Variants in CLHC1 observed in about 807,000 individuals in gnomAD.
CLHC1 encodes the protein clathrin heavy chain linker domain-containing protein 1.
In CLHC1, 72 loss-of-function variants were observed where a neutral mutation model predicts 69.5. The ratio of observed to expected loss-of-function variants is 1.04; its 90% CI spans 0.86 to 1.26. CLHC1 has a LOEUF of 1.26. Ranked by LOEUF, CLHC1 falls within the 50% of genes most tolerant of loss-of-function variation. CLHC1 has a pLI of 0.00. For synonymous variants in CLHC1, 223 were observed against 224.3 expected, an observed-to-expected ratio of 0.99 and a Z score of 0.05; for missense variants, 790 against 679.3, an observed-to-expected ratio of 1.16 and a Z score of -1.81.
intron 2 of CLHC1, 109 bp downstream of exon 2, chr2:55,227,923 T>G (rs1037117712): frequency 2.0e-5 from 3 of 152,132 alleles, no homozygotes; most frequent in Non-Finnish European, 2.9e-5. Context: ...ACCCATGAAC[T>G]TCCTCTCTTA....
At chr2:55,227,995 A>G (rs183761864) in intron 2 of CLHC1, 37 bp downstream of exon 2, 1 of 151,184 alleles carries the variant, frequency 6.6e-6, no homozygotes, top group East Asian at 1.9e-4. Context: ...ATTACCCCCA[A>G]CCCCCAAAAC....
At chr2:55,209,896 A>C in intron 5 of CLHC1, 65 bp from the exon 6 acceptor site, 4 of 984,908 alleles carry the variant, frequency 4.1e-6, no homozygotes, top group Non-Finnish European at 6.3e-6. Flanking sequence ...CTCAAAGAGC[A>C]AGTCTTAGAA....
intron 11 of CLHC1, among the ~76,000 whole-genome samples, chr2:55,178,840 T>C (rs1018242218): frequency 2.0e-5 from 3 of 151,998 alleles, no homozygotes; most frequent in African/African-American, 4.8e-5. Flanking sequence ...GGTCCCACTA[T>C]GTTGCTCCAG....
At chr2:55,200,900 G>T (rs1442788684) in intron 9 of CLHC1, among the ~76,000 whole-genome samples, 1 of 152,072 alleles carries the variant, frequency 6.6e-6, no homozygotes, top group Non-Finnish European at 1.5e-5. Flanking sequence ...TACAAATATG[G>T]AAACTAAACA....
chr2:55,196,972 T>C (rs1160899877), intron 9 of CLHC1, among the ~76,000 whole-genome samples: 2 of 152,268 alleles, frequency 1.3e-5, no homozygotes, highest in South Asian at 2.1e-4. Context: ...CCCACTGCCC[T>C]GAGGGGTGAG....
intron 9 of CLHC1, among the ~76,000 whole-genome samples, chr2:55,197,234 T>C (rs1394150620): frequency 6.6e-6 from 1 of 152,192 alleles, no homozygotes; most frequent in Non-Finnish European, 1.5e-5. Context: ...CCCTGGCTCC[T>C]GATGGTATCT....
intron 2 of CLHC1, chr2:55,224,747 C>A: frequency 6.1e-6 from 2 of 326,682 alleles, no homozygotes; most frequent in South Asian, 6.4e-5. Context: ...TCCCTTGTGT[C>A]CATGAGAACA....
At chr2:55,187,187 G>A (rs901868108) in intron 9 of CLHC1, among the ~76,000 whole-genome samples, 2 of 151,888 alleles carry the variant, frequency 1.3e-5, no homozygotes, top group South Asian at 4.1e-4. Context: ...CCTGAAGCAG[G>A]AGAATCGCTT....
intron 12 of CLHC1, among the ~76,000 whole-genome samples, chr2:55,176,927 C>G (rs1167299483): frequency 6.6e-6 from 1 of 152,208 alleles, no homozygotes; most frequent in Non-Finnish European, 1.5e-5. Flanking sequence ...GGCTGGAGTG[C>G]AGTGGCACAG....
rs552543831 is a variant in CLHC1, at chr2:55,196,597, G to A, written c.1006+9673C>T. ...TTTCTAGACACACACTTGTCAGAAG[G>A]GAAGCCACTGTCTTGAAAGGAAGGA... On this transcript the variant is annotated intron_variant, in intron 9 of 12. Coordinates refer to ENST00000401408, the MANE Select transcript of CLHC1 (RefSeq NM_152385.4). 2.9e-4 allele frequency among the ~76,000 whole-genome samples: 44 copies of A among 152,296 alleles called. 2 individuals carry two copies. In the East Asian group the frequency reaches 3.7e-3, roughly 13 times the overall value.
At chr2:55,182,048 A>G (rs1669989363) in intron 9 of CLHC1, among the ~76,000 whole-genome samples, 1 of 152,126 alleles carries the variant, frequency 6.6e-6, no homozygotes, top group Non-Finnish European at 1.5e-5. Flanking sequence ...TAGAGCCTCC[A>G]GAAGGAATGA....
chr2:55,204,796 C>T (rs369007163), intron 9 of CLHC1, among the ~76,000 whole-genome samples: 5 of 151,964 alleles, frequency 3.3e-5, no homozygotes, highest in South Asian at 2.1e-4. Flanking sequence ...TGGATGGAAC[C>T]GGAGGTCATT....
At position 55,209,465 on chromosome 2, in the gene CLHC1, A is replaced by C. The variant is rs757658513; in HGVS notation, c.753T>G (p.Ser251=). Residue 251 remains serine, a synonymous_variant, in exon 7 of 13, where the codon TCT becomes TCG. Transcript: ENST00000401408. ...AGTCTTGAAATGGGCTGCTCATATC[A>C]GATTTTACCCATGAACTAAGTGCCT... The part of the protein sequence containing the change: ...ISQALSSWVK[S]DMSSPFQDFV... The C allele has an allele frequency of 1.9e-6, 3 of 1,612,496 alleles. No homozygotes were observed. In the African/African-American group the frequency reaches 4.0e-5, roughly 22 times the overall value.
chr2:55,229,216 G>T (rs961811449), intron 1 of CLHC1, among the ~76,000 whole-genome samples: 1 of 151,110 alleles, frequency 6.6e-6, no homozygotes, highest in South Asian at 2.1e-4. Context: ...TGACAGATAG[G>T]GGTTAAGTTG....
chr2:55,214,887 T>C (rs1453703243), intron 4 of CLHC1: 1 of 152,214 alleles, frequency 6.6e-6, no homozygotes, highest in Non-Finnish European at 1.5e-5. Context: ...GGAATTAAGT[T>C]CTAATACATT....
At position 55,180,668 on chromosome 2, in the gene CLHC1, C is replaced by A; in HGVS notation, c.1226G>T (p.Gly409Val). The A allele has an allele frequency of 6.2e-7, 1 of 1,613,968 alleles. No individual in the cohort carries two copies. The highest frequency in any genetic ancestry group is 2.2e-5 in the East Asian group (1 of 44,862). ...GGCCTTGTTATAAGTATCCTGCTCC[C>A]CATAATCACAAATCACATCCCCAGC... ...EEAGDVICDY[G>V]EQDTYNKAKC... Residue 409 changes from glycine to valine, a missense_variant, in exon 11 of 13, where the codon GGG becomes GTG. Gly to Val is a moderately radical substitution (Grantham distance 109). Coordinates refer to ENST00000401408, the MANE Select transcript of CLHC1 (RefSeq NM_152385.4).
chr2:55,201,511 G>A (rs892535787), intron 9 of CLHC1, among the ~76,000 whole-genome samples: 1 of 152,062 alleles, frequency 6.6e-6, no homozygotes, highest in African/African-American at 2.4e-5. Flanking sequence ...TAATGAGATT[G>A]AAGCTGTAAT....
At chr2:55,224,734 G>T in intron 2 of CLHC1, 1 of 307,670 alleles carries the variant, frequency 3.3e-6, no homozygotes, top group Non-Finnish European at 6.8e-6. Flanking sequence ...AAGAGATTCT[G>T]CCTCCCTTGT....
At chr2:55,222,537 CTT>C (rs1027053395) in intron 2 of CLHC1, 44 bp from the exon 3 acceptor site, 21 of 671,454 alleles carry the variant, frequency 3.1e-5, no homozygotes, top group African/African-American at 2.2e-4. Flanking sequence ...AATTTTTTAA[CTT>C]AAGTCAAATA....
Sources: gnomAD v4.1 joint callset for allele counts (sites outside exome capture counted in the v4.1 genomes callset) on GRCh38, gnomAD v4.1.1 for gene constraint, MANE v1.5 for transcripts, NCBI Gene and HGNC (gene_info 2026-07-23, HGNC 2026-07-21) for gene names.